The following SLC36A1 variants were observed in gnomAD, a reference collection of about 807,000 sequenced individuals.
SLC36A1 encodes solute carrier family 36 member 1, also known as proton-coupled amino acid transporter 1.
SLC36A1 carries 30 observed loss-of-function variants against 47.5 expected under a neutral mutation model. That is an observed-to-expected ratio of 0.63 (90% confidence interval 0.47 to 0.86). The LOEUF (loss-of-function observed/expected upper bound fraction) is 0.86. Among genes scored for constraint, SLC36A1 ranks in the 40% least tolerant of loss-of-function variants. The pLI is 0.00. For synonymous variants in SLC36A1, 255 were observed against 249.7 expected (o/e 1.02, Z -0.20); for missense variants, 517 against 606.0 (o/e 0.85, Z 1.54).
In SLC36A1 at chr5:151,467,888, T is replaced by A; in HGVS notation, c.686T>A (p.Leu229Gln). The A allele has an allele frequency of 6.2e-7, 1 of 1,613,860 alleles. No homozygotes were observed. The highest frequency in any genetic ancestry group is 8.5e-7 in the Non-Finnish European group (1 of 1,179,948). Residue 229 changes from leucine (L) to glutamine (Q), a missense_variant, in exon 7 of 11, where the codon CTG becomes CAG. Coordinates refer to ENST00000243389, the MANE Select transcript of SLC36A1 (RefSeq NM_078483.4). The part of the protein sequence containing the change: ...IFSLLANITM[L>Q]VSLVMIYQFI... The stretch of plus-strand genomic sequence containing the variant: ...TCCCTGTTGGCCAACATCACCATGC[T>A]GGTCAGCTTGGTCATGATCTACCAG...
chr5:151,447,906 T>C (rs965758611), intron 1 of SLC36A1, 93 bp downstream of exon 1: 1 of 152,278 alleles, frequency 6.6e-6, no homozygotes, highest in Admixed American at 6.5e-5. Context: ...CCTCTGTGAA[T>C]TGGGCGAAGC....
At chr5:151,384,995 A>T in the SLC36A1 span, among the ~76,000 whole-genome samples, 20 of 105,284 alleles carry the variant, frequency 1.9e-4, no homozygotes, top group South Asian at 5.0e-4. Flanking sequence ...TGGGTGTGTG[A>T]GAGAGAGAGA....
chr5:151,505,239 G>A, the SLC36A1 span: 9 of 426,420 alleles, frequency 2.1e-5, no homozygotes, highest in Admixed American at 8.5e-5. Flanking sequence ...GCTCTGCCCC[G>A]GGGACTGAGA....
chr5:151,368,485 C>T, the SLC36A1 span, among the ~76,000 whole-genome samples: 1 of 152,188 alleles, frequency 6.6e-6, no homozygotes, highest in South Asian at 2.1e-4. Flanking sequence ...CAAAGTGACT[C>T]CCTTCTGATC....
At chr5:151,545,881 A>C in the SLC36A1 span, 1 of 1,614,214 alleles carries the variant, frequency 6.2e-7, no homozygotes, top group Non-Finnish European at 8.5e-7. Context: ...ATTTTCATCA[A>C]TTATGTCAAC....
chr5:151,505,529 T>G, the SLC36A1 span: 1 of 1,612,612 alleles, frequency 6.2e-7, no homozygotes, highest in Non-Finnish European at 8.5e-7. Context: ...AGTCCAGTCC[T>G]TGGCCTCCCG....
the SLC36A1 span, among the ~76,000 whole-genome samples, chr5:151,366,076 A>C: frequency 4.6e-5 from 7 of 152,314 alleles, no homozygotes; most frequent in South Asian, 1.4e-3. Context: ...TTAGCTTTTA[A>C]AAATGTATGT....
At chr5:151,457,763 G>A (rs980832128) in intron 1 of SLC36A1, among the ~76,000 whole-genome samples, 4 of 152,104 alleles carry the variant, frequency 2.6e-5, no homozygotes, top group African/African-American at 7.2e-5. Context: ...GAAAGAGAAC[G>A]GCATGTGTGG....
the SLC36A1 span, among the ~76,000 whole-genome samples, chr5:151,388,849 C>A: frequency 2.6e-5 from 4 of 152,072 alleles, no homozygotes; most frequent in East Asian, 5.8e-4. Flanking sequence ...TTATATGCCT[C>A]ATCTATAAAA....
chr5:151,544,769 G>C, the SLC36A1 span: 2 of 1,614,142 alleles, frequency 1.2e-6, no homozygotes. Context: ...CCAAGATAGG[G>C]GTCAATTCGG....
the SLC36A1 span, among the ~76,000 whole-genome samples, chr5:151,539,802 A>G: frequency 1.3e-5 from 2 of 152,242 alleles, no homozygotes; most frequent in Non-Finnish European, 2.9e-5. Flanking sequence ...ACAAACACAC[A>G]TACACACCCC....
At chr5:151,367,260 GA>G in the SLC36A1 span, among the ~76,000 whole-genome samples, 1 of 152,162 alleles carries the variant, frequency 6.6e-6, no homozygotes, top group Non-Finnish European at 1.5e-5. Context: ...TAGTAAGCCT[GA>G]GGGTTCTGCG....
the SLC36A1 span, among the ~76,000 whole-genome samples, chr5:151,499,018 G>A: frequency 6.6e-6 from 1 of 152,140 alleles, no homozygotes; most frequent in Non-Finnish European, 1.5e-5. Context: ...TGCCCTTGGG[G>A]GCTAATTACG....
intron 10 of SLC36A1, among the ~76,000 whole-genome samples, chr5:151,486,367 G>GACAA (rs11281205): frequency 6.6e-6 from 1 of 151,756 alleles, no homozygotes. Flanking sequence ...ATTTGGAGGG[G>GACAA]ATCCAAACCA....
chr5:151,513,051 G>A, the SLC36A1 span, among the ~76,000 whole-genome samples: 1 of 152,190 alleles, frequency 6.6e-6, no homozygotes, highest in East Asian at 1.9e-4. Flanking sequence ...GAAGCCACAA[G>A]GGCAAAGTAT....
the SLC36A1 span, among the ~76,000 whole-genome samples, chr5:151,525,574 C>G: frequency 6.6e-6 from 1 of 152,242 alleles, no homozygotes; most frequent in Non-Finnish European, 1.5e-5. Context: ...GTTTCCTCAT[C>G]TGTAAAGCGG....
chr5:151,406,529 A>G, the SLC36A1 span: 1 of 152,232 alleles, frequency 6.6e-6, no homozygotes, highest in Non-Finnish European at 1.5e-5. Context: ...CCAGTTTGCC[A>G]CTAGGGGCAG....
intron 1 of SLC36A1, among the ~76,000 whole-genome samples, chr5:151,441,839 T>C (rs1358299695): frequency 6.6e-6 from 1 of 152,190 alleles, no homozygotes; most frequent in Non-Finnish European, 1.5e-5. Context: ...AGTTTCAACA[T>C]ATATATTCAC....
the SLC36A1 span, among the ~76,000 whole-genome samples, chr5:151,373,388 C>CT: frequency 2.6e-5 from 4 of 152,014 alleles, no homozygotes; most frequent in Admixed American, 2.6e-4. Flanking sequence ...AAGGGAAAAC[C>CT]TTGAAAGCAG....
Sources: allele counts gnomAD v4.1 joint callset (sites outside exome capture counted in the v4.1 genomes callset), GRCh38; gene constraint gnomAD v4.1.1; transcripts MANE v1.5; gene names NCBI Gene and HGNC (gene_info 2026-07-23, HGNC 2026-07-21).